Variants in RHOQ observed in about 807,000 individuals in gnomAD.
RHOQ encodes rho-related GTP-binding protein RhoQ.
RHOQ carries 7 observed loss-of-function variants against 25.8 expected under a neutral mutation model. That is an observed-to-expected ratio of 0.27 (90% CI 0.15 to 0.51). The LOEUF (loss-of-function observed/expected upper bound fraction) is 0.51. Among genes scored for constraint, RHOQ ranks in the 20% least tolerant of loss-of-function variants. RHOQ has a pLI of 0.97. For synonymous variants in RHOQ, 97 were observed against 98.6 expected (o/e 0.98, Z 0.10); for missense variants, 165 against 260.6 (o/e 0.63, Z 2.53).
At chr2:46,574,036 G>A (rs1203286566) in intron 2 of RHOQ, among the ~76,000 whole-genome samples, 1 of 152,224 alleles carries the variant, frequency 6.6e-6, no homozygotes, top group Non-Finnish European at 1.5e-5. Flanking sequence ...GGGACCCTGC[G>A]TGGATTTGCA....
rs1387778805 is a variant in RHOQ at position 46,561,327 on chromosome 2, AG to A, written c.202-14755del. Among the ~76,000 whole-genome samples the A allele has an allele frequency of 7.2e-4, 110 of 152,152 alleles. 1 individual carries two copies. Among genetic ancestry groups the A allele is most frequent in the Non-Finnish European group, 3.1e-4 (21 of 68,008 alleles). On this transcript the variant is annotated intron_variant, in intron 2 of 4. Transcript: ENST00000238738. ...TATGTGTGTATGGTTTGGGGTGGCA[AG>A]GGGGCCCAGGCAAGACAGAGTATTC...
rs1013930495 is a variant in RHOQ, at chr2:46,555,023, C to G, written c.201+11211C>G. Among the ~76,000 whole-genome samples the G allele has an allele frequency of 2.0e-5, 3 of 152,212 alleles. No individual in the cohort carries two copies. The East Asian group carries it at 5.8e-4, about 29-fold the overall frequency. ...ATTACCTGGAGGTGTTTCCACCAGC[C>G]TCCTTGGCCCTGGAGGAATGGGGAA... is the stretch of plus-strand genomic sequence containing the variant. On this transcript the variant is annotated intron_variant, in intron 2 of 4. Transcript: ENST00000238738. This position sits in a 1 kb window ranked among gnomAD's most constrained non-coding sequence, Gnocchi z 4.3.
chr2:46,581,810 T>A lies in RHOQ; in HGVS notation c.*727T>A. 1 of 536,114 alleles carries A rather than the reference T, an allele frequency of 1.9e-6. No homozygotes were observed. The highest frequency in any genetic ancestry group is 2.9e-6 in the Non-Finnish European group (1 of 349,332). 33.2% of individuals were successfully genotyped at this position (536,114 alleles called of 1,614,324 possible). A position where few individuals can be genotyped will look rare whatever the true frequency, so the allele number is the denominator to read the frequency against. ...AACAAGGCTTCTGGCAATTGTAGAT[T>A]TAGTTTGACGCTCCCCAAAGTGCAT... On this transcript the variant is annotated 3_prime_UTR_variant, in exon 5 of 5. Transcript: ENST00000238738.
chr2:46,581,339 AG>A lies in RHOQ; in HGVS notation c.*257del. On this transcript the variant is annotated 3_prime_UTR_variant, in exon 5 of 5. Transcript: ENST00000238738. ...AGGTACAATCTCTCAGGGGTTTCAT[AG>A]TTTAAAAAGCTACAATCACATCATG... The A allele has an allele frequency of 7.6e-7, 1 of 1,321,584 alleles. No individual in the cohort carries two copies. The highest frequency in any genetic ancestry group is 1.0e-6 in the Non-Finnish European group (1 of 980,966). The allele number at this position is 1,321,584 out of a possible 1,614,324, so 81.9% of individuals were successfully genotyped here. A position where few individuals can be genotyped will look rare whatever the true frequency, so the allele number is the denominator to read the frequency against.
At position 46,555,689 on chromosome 2, in the gene RHOQ, C is replaced by G. The variant is rs751281361; in HGVS notation, c.201+11877C>G. ...ATGAAATACTGGCTATGCGCATGTA[C>G]TGTTCTCCAGCAAGTCTAGACCTGT... On this transcript the variant is annotated intron_variant, in intron 2 of 4. Coordinates refer to ENST00000238738, the MANE Select transcript of RHOQ (RefSeq NM_012249.4). This position sits in a 1 kb window ranked among gnomAD's most constrained non-coding sequence, Gnocchi z 4.3. 1.3e-5 allele frequency among the ~76,000 whole-genome samples: 2 copies of G among 152,258 alleles called. No homozygotes were observed. The highest frequency in any genetic ancestry group is 2.9e-5 in the Non-Finnish European group (2 of 68,054).
In RHOQ at chr2:46,572,648, A is replaced by G. The variant is rs1436982626; in HGVS notation, c.202-3439A>G. 4 of 383,406 alleles carry G rather than the reference A, an allele frequency of 1.0e-5. No homozygotes were observed. The East Asian group carries it at 2.9e-4, about 28-fold the overall frequency. 23.8% of individuals were successfully genotyped at this position (383,406 alleles called of 1,614,324 possible). A position where few individuals can be genotyped will look rare whatever the true frequency, so the allele number is the denominator to read the frequency against. On this transcript the variant is annotated intron_variant, in intron 2 of 4. Coordinates refer to ENST00000238738, the MANE Select transcript of RHOQ (RefSeq NM_012249.4). ...AATACACTTTTCTGTACTCCTGAGA[A>G]TGTTCTAGTTACCATGCTGAAATGT...
Position 46,576,276 on chromosome 2 carries a change from T to G in RHOQ, c.366+25T>G. On this transcript the variant is annotated intron_variant, in intron 3 of 4. Coordinates refer to ENST00000238738, the MANE Select transcript of RHOQ (RefSeq NM_012249.4). This position sits in a 1 kb window ranked among gnomAD's most constrained non-coding sequence, Gnocchi z 5.1. Reference sequence around the variant, plus strand: ...GGTATGTCTGGTTTGATTTTCTGCATTTTAGAATAAGCTCTTTGGTCTGTC... The same window carrying G: ...GGTATGTCTGGTTTGATTTTCTGCAGTTTAGAATAAGCTCTTTGGTCTGTC... 1 of 1,587,410 alleles carries G rather than the reference T, an allele frequency of 6.3e-7. No homozygotes were observed. Among genetic ancestry groups the G allele is most frequent in the Non-Finnish European group, 8.6e-7 (1 of 1,162,028 alleles).
At chr2:46,577,198 A>G (rs1043409748) in intron 4 of RHOQ, 1 of 152,230 alleles carries the variant, frequency 6.6e-6, no homozygotes, top group Non-Finnish European at 1.5e-5. Flanking sequence ...TTATGAAAAG[A>G]GGATAGAAAA....
chr2:46,549,858 G>A (rs974013933), intron 2 of RHOQ, among the ~76,000 whole-genome samples: 1 of 152,108 alleles, frequency 6.6e-6, no homozygotes, highest in African/African-American at 2.4e-5. Flanking sequence ...CAAGAACAGT[G>A]TCTTTCTCTA....
At chr2:46,559,030 T>G (rs1032846653) in intron 2 of RHOQ, among the ~76,000 whole-genome samples, 9 of 152,222 alleles carry the variant, frequency 5.9e-5, no homozygotes, top group African/African-American at 2.2e-4. Context: ...CTAGGCTCAC[T>G]GCAACCTCCA....
intron 4 of RHOQ, among the ~76,000 whole-genome samples, chr2:46,578,837 C>T: frequency 6.6e-6 from 1 of 151,882 alleles, no homozygotes; most frequent in African/African-American, 2.4e-5. Flanking sequence ...TCTCACCACA[C>T]AAAATGATAA....
chr2:46,581,490 G>A lies in RHOQ; in HGVS notation c.*407G>A, dbSNP rs1279550749. The stretch of plus-strand genomic sequence containing the variant: ...CCCTTTGCTCCAGTTAATTGTTCTT[G>A]TATGTAAGTTGCTTTCTATTCCAGT... On this transcript the variant is annotated 3_prime_UTR_variant, in exon 5 of 5. Transcript: ENST00000238738. 1.1e-5 allele frequency: 17 copies of A among 1,610,938 alleles called. No homozygotes were observed. Among genetic ancestry groups the A allele is most frequent in the Non-Finnish European group, 1.4e-5 (16 of 1,179,358 alleles).
In RHOQ at chr2:46,542,555, G is replaced by C. The variant is rs1335243611; in HGVS notation, c.-492G>C. 6.8e-6 allele frequency: 1 copy of C among 148,128 alleles called. No homozygotes were observed. Among genetic ancestry groups the C allele is most frequent in the Non-Finnish European group, 1.5e-5 (1 of 66,838 alleles). 9.2% of individuals were successfully genotyped at this position (148,128 alleles called of 1,614,324 possible). On this transcript the variant is annotated 5_prime_UTR_variant, in exon 1 of 5. Transcript: ENST00000238738. ...GGGGCTCGGGTGCGCCGGCAGGGCC[G>C]CGCGGCGGCAGCAGGCGGGGGCGCG...
rs901013368 is a variant in RHOQ at position 46,543,303 on chromosome 2, C to T, written c.142+115C>T. On this transcript the variant is annotated intron_variant, in intron 1 of 4. Coordinates refer to ENST00000238738, the MANE Select transcript of RHOQ (RefSeq NM_012249.4). The stretch of plus-strand genomic sequence containing the variant: ...AGCGCACTCCTCTCCCCTCCCCCGC[C>T]GCGCCCTCTGCCAGGCGGCCGGCCC... 11 of 1,236,702 alleles carry T rather than the reference C, an allele frequency of 8.9e-6. No individual in the cohort carries two copies. In the Admixed American group the frequency reaches 1.5e-4, roughly 17 times the overall value. The allele number at this position is 1,236,702 out of a possible 1,614,324, so 76.6% of individuals were successfully genotyped here. A position where few individuals can be genotyped will look rare whatever the true frequency, so the allele number is the denominator to read the frequency against.
chr2:46,570,140 C>G (rs766374622), intron 2 of RHOQ, among the ~76,000 whole-genome samples: 2 of 152,186 alleles, frequency 1.3e-5, no homozygotes, highest in African/African-American at 4.8e-5. Flanking sequence ...AATGACTGCA[C>G]AATAGAAATG....
chr2:46,579,549 T>TA (rs1449859580), intron 4 of RHOQ, among the ~76,000 whole-genome samples: 1 of 152,308 alleles, frequency 6.6e-6, no homozygotes, highest in East Asian at 1.9e-4. Flanking sequence ...TCCTCCCAGT[T>TA]ACTCAGGTCA....
At position 46,546,474 on chromosome 2, in the gene RHOQ, GTGTATATATATATATATATATATATA is replaced by G. The variant is rs1482265804; in HGVS notation, c.201+2664_201+2689del. 1.7e-3 allele frequency among the ~76,000 whole-genome samples: 28 copies of G among 16,954 alleles called. 1 individual carries two copies. The highest frequency in any genetic ancestry group is 2.5e-3 in the Non-Finnish European group (24 of 9,572). The allele number at this position is 16,954 out of a possible 152,430, so 11.1% of individuals were successfully genotyped here. A position where few individuals can be genotyped will look rare whatever the true frequency, so the allele number is the denominator to read the frequency against. ...TACATATATATATATATATATATAT[GTGTATATATATATATATATATATATA>G]TATATATATATGTATATACATATAT... On this transcript the variant is annotated intron_variant, in intron 2 of 4. Transcript: ENST00000238738.
At chr2:46,544,620 A>G (rs1667989166) in intron 2 of RHOQ, among the ~76,000 whole-genome samples, 1 of 152,224 alleles carries the variant, frequency 6.6e-6, no homozygotes, top group Non-Finnish European at 1.5e-5. Context: ...TCCCTGTCCC[A>G]GCTTCAGCCT....
Position 46,581,032 on chromosome 2 carries a change from T to C in RHOQ, c.567T>C (p.Thr189=), listed in dbSNP as rs1484041665. Residue 189 remains threonine (T), a synonymous_variant, in exon 5 of 5, where the codon ACT becomes ACC. Coordinates refer to ENST00000238738, the MANE Select transcript of RHOQ (RefSeq NM_012249.4). The part of the protein sequence containing the change: ...IIAILTPKKH[T]VKKRIGSRCI... ...CCATTTTAACTCCAAAGAAACACAC[T>C]GTAAAAAAAAGAATAGGATCAAGAT... 3.2e-6 allele frequency: 5 copies of C among 1,586,190 alleles called. No individual in the cohort carries two copies. In the South Asian group the frequency reaches 4.6e-5, roughly 15 times the overall value.
Sources: allele counts gnomAD v4.1 joint callset (sites outside exome capture counted in the v4.1 genomes callset), GRCh38; gene constraint gnomAD v4.1.1; non-coding constraint Gnocchi (gnomAD v3.1); transcripts MANE v1.5; gene names NCBI Gene and HGNC (gene_info 2026-07-23, HGNC 2026-07-21).